The following SNRPE variants were observed in gnomAD, a reference collection of about 807,000 sequenced individuals.
The protein encoded by SNRPE is small nuclear ribonucleoprotein polypeptide E.
For synonymous variants in SNRPE, 35 were observed against 36.7 expected (o/e 0.95, Z 0.17); for missense variants, 53 against 111.6 (o/e 0.48, Z 2.36).
At chr1:203,868,244 C>T (rs1690134036) in intron 4 of SNRPE, among the ~76,000 whole-genome samples, 1 of 151,902 alleles carries the variant, frequency 6.6e-6, no homozygotes, top group African/African-American at 2.4e-5. Flanking sequence ...TTAGTAGAGA[C>T]GGGGTTTCAC....
At chr1:203,868,726 A>G (rs188739828) in intron 4 of SNRPE, among the ~76,000 whole-genome samples, 9 of 152,128 alleles carry the variant, frequency 5.9e-5, no homozygotes, top group African/African-American at 2.2e-4. Context: ...CTTGAGTGCC[A>G]TGGCACAATC....
intron 2 of SNRPE, 116 bp downstream of exon 2, chr1:203,862,338 A>G: frequency 1.3e-6 from 1 of 763,564 alleles, no homozygotes; most frequent in South Asian, 1.5e-5. Context: ...ATGTAACTGG[A>G]GATTGGAGGG....
At chr1:203,869,254 T>G (rs1170136909) in intron 4 of SNRPE, among the ~76,000 whole-genome samples, 1 of 148,652 alleles carries the variant, frequency 6.7e-6, no homozygotes, top group Non-Finnish European at 1.5e-5. Flanking sequence ...TAGGAAATTT[T>G]GGGTAAAACA....
rs774704671 is a variant in SNRPE, at chr1:203,865,132, G to C, written c.223+13G>C. 3.1e-6 allele frequency: 5 copies of C among 1,601,830 alleles called. No homozygotes were observed. The South Asian group carries it at 4.5e-5, about 14-fold the overall frequency. ...AGAAAACAACTGGGTAAGGATAGAA[G>C]TGGTCTTACAGAATTCTAGAAATAT... On this transcript the variant is annotated intron_variant, in intron 4 of 4. Transcript: ENST00000414487.
At position 203,862,052 on chromosome 1, in the gene SNRPE, G is replaced by C. The variant is rs541320834; in HGVS notation, c.55-144G>C. ...AGTCTTTAGAAGACCCGTAACGAAT[G>C]CCCAGCTGGGCACTTGTTGTTTGCG... On this transcript the variant is annotated intron_variant, in intron 1 of 4. Transcript: ENST00000414487. 142 of 687,638 alleles carry C rather than the reference G, an allele frequency of 2.1e-4. 1 individual carries two copies. The highest frequency in any genetic ancestry group is 2.0e-3 in the South Asian group (119 of 59,942). The allele number at this position is 687,638 out of a possible 1,614,324, so 42.6% of individuals were successfully genotyped here.
chr1:203,862,306 G>C, intron 2 of SNRPE, 84 bp downstream of exon 2: 1 of 955,812 alleles, frequency 1.0e-6, no homozygotes, highest in Non-Finnish European at 1.7e-6. Context: ...AGCGATCGCT[G>C]TGTTCTAGAA....
chr1:203,864,400 T>G (rs181688542), intron 3 of SNRPE, among the ~76,000 whole-genome samples: 4 of 151,846 alleles, frequency 2.6e-5, no homozygotes, highest in Admixed American at 2.6e-4. Flanking sequence ...TCAGTGGGGT[T>G]AGTTAAATAA....
At chr1:203,863,627 C>CT (rs1205212493) in intron 2 of SNRPE, 36 bp from the exon 3 acceptor site, 16 of 1,568,372 alleles carry the variant, frequency 1.0e-5, no homozygotes, top group African/African-American at 1.4e-5. Context: ...CCCTATTTTT[C>CT]TTTTTTTAAC....
intron 4 of SNRPE, among the ~76,000 whole-genome samples, 189 bp from the exon 5 acceptor site, chr1:203,869,688 T>C (rs1217053911): frequency 6.6e-6 from 1 of 152,196 alleles, no homozygotes; most frequent in African/African-American, 2.4e-5. Flanking sequence ...CCTATGTTAG[T>C]CTCTTGAAAA....
At chr1:203,865,976 C>T (rs1054542144) in intron 4 of SNRPE, among the ~76,000 whole-genome samples, 1 of 152,108 alleles carries the variant, frequency 6.6e-6, no homozygotes, top group African/African-American at 2.4e-5. Flanking sequence ...CTATCAGAAC[C>T]CCATTGTTTT....
intron 4 of SNRPE, among the ~76,000 whole-genome samples, chr1:203,867,955 C>T (rs1449475900): frequency 2.0e-5 from 3 of 152,094 alleles, no homozygotes; most frequent in Non-Finnish European, 2.9e-5. Flanking sequence ...GATGCTTCAC[C>T]GTAAGTGTAT....
intron 1 of SNRPE, 95 bp downstream of exon 1, chr1:203,861,808 G>T: frequency 6.4e-6 from 6 of 935,230 alleles, no homozygotes; most frequent in Non-Finnish European, 1.1e-5. Flanking sequence ...GTGGAGTACG[G>T]ATCCACATCC....
In SNRPE at chr1:203,861,692, G is replaced by C; in HGVS notation, c.33G>C (p.Gln11His). The C allele has an allele frequency of 6.2e-7, 1 of 1,613,174 alleles. No homozygotes were observed. Among genetic ancestry groups the C allele is most frequent in the Non-Finnish European group, 8.5e-7 (1 of 1,179,070 alleles). Residue 11 changes from glutamine to histidine, a missense_variant, in exon 1 of 5, where the codon CAG (glutamine) becomes CAC (histidine). Physicochemically the swap from Gln to His is conservative, Grantham distance 24 (BLOSUM62 0). Coordinates refer to ENST00000414487, the MANE Select transcript of SNRPE (RefSeq NM_003094.4). ...ACCGTGGCCAGGGTCAGAAAGTGCA[G>C]AAGGTTATGGTGCAGCCCATCGTAT... MAYRGQGQKV[Q>H]KVMVQPINLI...
chr1:203,865,157 T>C (rs759262339), intron 4 of SNRPE, 38 bp downstream of exon 4: 4 of 1,548,024 alleles, frequency 2.6e-6, no homozygotes, highest in Middle Eastern at 1.7e-4. Context: ...TCTAGAAATA[T>C]TTTATTCACT....
At chr1:203,862,076 C>T in intron 1 of SNRPE, 120 bp from the exon 2 acceptor site, 2 of 781,114 alleles carry the variant, frequency 2.6e-6, no homozygotes, top group Non-Finnish European at 4.5e-6. Flanking sequence ...TTGTTGTTTG[C>T]GTAAGCACCA....
chr1:203,862,479 T>C (rs1304723442), intron 2 of SNRPE, among the ~76,000 whole-genome samples: 1 of 152,176 alleles, frequency 6.6e-6, no homozygotes, highest in African/African-American at 2.4e-5. Flanking sequence ...TTCCAAAAAG[T>C]ATTATTAGCA....
In SNRPE at chr1:203,863,648, T is replaced by C. The variant is rs1572403067; in HGVS notation, c.82-15T>C. 3 of 1,605,468 alleles carry C rather than the reference T, an allele frequency of 1.9e-6. No individual in the cohort carries two copies. Among genetic ancestry groups the C allele is most frequent in the Non-Finnish European group, 2.6e-6 (3 of 1,172,362 alleles). On this transcript the variant is annotated splice_polypyrimidine_tract_variant and intron_variant, in intron 2 of 4. Transcript: ENST00000414487. ...TTTTCTTTTTTTAACGTTTCCACTT[T>C]TATGATTATTTCAGAGATCGCGGAT...
intron 1 of SNRPE, chr1:203,861,917 C>T: frequency 3.2e-6 from 2 of 617,372 alleles, no homozygotes; most frequent in Non-Finnish European, 2.9e-6. Context: ...GTGGGGAATG[C>T]AGGAATGGAC....
At chr1:203,866,820 C>G (rs1690096540) in intron 4 of SNRPE, among the ~76,000 whole-genome samples, 1 of 151,930 alleles carries the variant, frequency 6.6e-6, no homozygotes, top group Non-Finnish European at 1.5e-5. Context: ...TCTTATCTCC[C>G]TCTGCTCATC....
Sources: gnomAD v4.1 joint callset for allele counts (sites outside exome capture counted in the v4.1 genomes callset) on GRCh38, gnomAD v4.1.1 for gene constraint, MANE v1.5 for transcripts, NCBI Gene and HGNC (gene_info 2026-07-23, HGNC 2026-07-21) for gene names.